The following EGLN1 variants were observed in gnomAD, a reference collection of about 807,000 sequenced individuals.
The protein encoded by EGLN1 is egl-9 family hypoxia inducible factor 1.
EGLN1 carries 17 observed loss-of-function variants against 38.3 expected under a neutral mutation model. The observed-to-expected ratio is 0.44, with a 90% confidence interval of 0.30 to 0.67. The LOEUF (loss-of-function observed/expected upper bound fraction) is 0.67, where lower values mean the gene tolerates loss of function less well. Ranked by LOEUF, EGLN1 falls within the 30% of genes least tolerant of loss-of-function variation. EGLN1 has a pLI of 0.08. For synonymous variants in EGLN1, 283 were observed against 257.5 expected (o/e 1.10, Z -0.95); for missense variants, 477 against 603.3 (o/e 0.79, Z 2.19).
intron 1 of EGLN1, among the ~76,000 whole-genome samples, chr1:231,410,011 A>AG (rs1688895930): frequency 6.6e-6 from 1 of 152,184 alleles, no homozygotes; most frequent in Non-Finnish European, 1.5e-5. Flanking sequence ...TGTAGACTAG[A>AG]GGGAAAAAAA....
At chr1:231,388,031 C>G (rs1688265612) in intron 1 of EGLN1, among the ~76,000 whole-genome samples, 1 of 152,190 alleles carries the variant, frequency 6.6e-6, no homozygotes, top group Admixed American at 6.5e-5. Context: ...CTACTGTAGG[C>G]AGATCTTTAC....
Position 231,369,033 on chromosome 1 carries a change from C to A in EGLN1, c.1149-1397G>T, listed in dbSNP as rs890705048. On this transcript the variant is annotated intron_variant, in intron 3 of 4. Transcript: ENST00000366641. ...GCAATCAGAATTCTAATATCTGGAT[C>A]AACAACTTACCTTATGTCATTCTAA... Among the ~76,000 whole-genome samples, 3 of 152,176 alleles carry A rather than the reference C, an allele frequency of 2.0e-5. No homozygotes were observed. In the East Asian group the frequency reaches 5.8e-4, roughly 29 times the overall value.
chr1:231,398,692 AAC>A (rs1406094281), intron 1 of EGLN1, among the ~76,000 whole-genome samples: 1 of 152,242 alleles, frequency 6.6e-6, no homozygotes, highest in African/African-American at 2.4e-5. Flanking sequence ...GAATGTAAAG[AAC>A]AGATTGGGGA....
intron 1 of EGLN1, among the ~76,000 whole-genome samples, chr1:231,379,782 C>G (rs1226421232): frequency 6.6e-6 from 1 of 152,214 alleles, no homozygotes; most frequent in Non-Finnish European, 1.5e-5. Flanking sequence ...AGACATTGGC[C>G]TCGGCCAGGA....
Position 231,373,971 on chromosome 1 carries a change from G to A in EGLN1, c.1011+9C>T. 2 of 1,613,508 alleles carry A rather than the reference G, an allele frequency of 1.2e-6. No individual in the cohort carries two copies. Among genetic ancestry groups the A allele is most frequent in the South Asian group, 2.2e-5 (2 of 91,056 alleles). On this transcript the variant is annotated intron_variant, in intron 2 of 4. Coordinates refer to ENST00000366641, the MANE Select transcript of EGLN1 (RefSeq NM_022051.3). ...AAGAAAAAAATAAATGCTCAATTAA[G>A]TTGCATACCTTGGCATCCCAGTCTT...
intron 1 of EGLN1, among the ~76,000 whole-genome samples, chr1:231,398,577 G>A (rs910181059): frequency 1.3e-5 from 2 of 152,206 alleles, no homozygotes; most frequent in Non-Finnish European, 2.9e-5. Context: ...TTGCAACAAG[G>A]ACGGCAAGGC....
chr1:231,410,230 T>C (rs1375459038), intron 1 of EGLN1, among the ~76,000 whole-genome samples: 1 of 152,000 alleles, frequency 6.6e-6, no homozygotes, highest in African/African-American at 2.4e-5. Context: ...AGACTGGGAC[T>C]TCAGTCTTGC....
At position 231,421,166 on chromosome 1, in the gene EGLN1, G is replaced by C. The variant is rs754313230; in HGVS notation, c.723C>G (p.Val241=). The C allele has an allele frequency of 1.9e-6, 3 of 1,614,156 alleles. No homozygotes were observed. The highest frequency in any genetic ancestry group is 3.3e-5 in the Admixed American group (2 of 60,024). ...CCTTGGACGAGTCACTCTTCTGGCT[G>C]ACCAGCTGCCCGTCCGTGAACTTCC... ...DTGKFTDGQL[V]SQKSDSSKDI... The change falls in exon 1 of 5, where the codon GTC becomes GTG. Residue 241 remains valine, a synonymous_variant. Transcript: ENST00000366641. This position sits in a 1 kb window ranked among gnomAD's most constrained non-coding sequence, Gnocchi z 5.5.
At chr1:231,407,425 CATG>C (rs1688826825) in intron 1 of EGLN1, among the ~76,000 whole-genome samples, 1 of 152,124 alleles carries the variant, frequency 6.6e-6, no homozygotes, top group African/African-American at 2.4e-5. Flanking sequence ...AAATCAAATC[CATG>C]ATAATTTTAG....
Position 231,366,314 on chromosome 1 carries a change from G to A in EGLN1, c.*97C>T. The A allele has an allele frequency of 7.3e-7, 1 of 1,363,544 alleles. No homozygotes were observed. The highest frequency in any genetic ancestry group is 1.2e-5 in the South Asian group (1 of 83,740). 84.5% of individuals were successfully genotyped at this position (1,363,544 alleles called of 1,614,324 possible). A position where few individuals can be genotyped will look rare whatever the true frequency, so the allele number is the denominator to read the frequency against. ...TGTTTCCTTATTAAAATGCGAACTG[G>A]TTGTCTATTTTTCTTTATCCCATTT... On this transcript the variant is annotated 3_prime_UTR_variant, in exon 5 of 5. Coordinates refer to ENST00000366641, the MANE Select transcript of EGLN1 (RefSeq NM_022051.3).
intron 1 of EGLN1, among the ~76,000 whole-genome samples, chr1:231,380,272 C>A (rs547416544): frequency 6.8e-6 from 1 of 146,332 alleles, no homozygotes; most frequent in Admixed American, 7.0e-5. Flanking sequence ...GCGGAGATCG[C>A]GCCACTGCAC....
chr1:231,398,115 G>C (rs947220317), intron 1 of EGLN1, among the ~76,000 whole-genome samples: 2 of 152,218 alleles, frequency 1.3e-5, no homozygotes, highest in Non-Finnish European at 2.9e-5. Flanking sequence ...TTCTCCAAAT[G>C]ATGAGAACCA....
chr1:231,385,490 A>G (rs1688181427), intron 1 of EGLN1, among the ~76,000 whole-genome samples: 1 of 152,216 alleles, frequency 6.6e-6, no homozygotes, highest in African/African-American at 2.4e-5. Context: ...TATTCCAGGA[A>G]GAGAAAAGGT....
At position 231,421,877 on chromosome 1, in the gene EGLN1, G is replaced by C. The variant is rs186996510; in HGVS notation, c.12C>G (p.Asp4Glu). The change falls in exon 1 of 5, where the codon GAC becomes GAG. Residue 4 changes from aspartate (D) to glutamate (E), a missense_variant. Around this residue, in one of 4 missense-constraint regions of EGLN1, gnomAD observed 298 missense variants for 288.9 expected, o/e 1.03. Coordinates refer to ENST00000366641, the MANE Select transcript of EGLN1 (RefSeq NM_022051.3). The surrounding 1 kb of genome is among the most constrained non-coding windows in gnomAD (Gnocchi z 5.5). ...GGCTCGGCCCGCCGGGCCCGCCGCT[G>C]TCATTGGCCATGGCGGCGGCGGCGG... Reference protein sequence around the residue: MANDSGGPGGPSPS... With the variant: MANESGGPGGPSPS... The C allele has an allele frequency of 1.5e-3, 2,184 of 1,488,446 alleles. 63 individuals carry two copies. The East Asian group carries it at 0.043, about 29-fold the overall frequency. The allele number at this position is 1,488,446 out of a possible 1,614,324, so 92.2% of individuals were successfully genotyped here.
chr1:231,371,513 C>T (rs1187384650), intron 2 of EGLN1, among the ~76,000 whole-genome samples: 2 of 152,154 alleles, frequency 1.3e-5, no homozygotes, highest in African/African-American at 2.4e-5. Flanking sequence ...TCGTCGTCAC[C>T]ATCACCATCA....
chr1:231,392,996 G>A (rs761232281), intron 1 of EGLN1, among the ~76,000 whole-genome samples: 4 of 152,154 alleles, frequency 2.6e-5, no homozygotes, highest in Non-Finnish European at 4.4e-5. Flanking sequence ...GTTCAGAAAT[G>A]GGCAAAGGGC....
intron 1 of EGLN1, among the ~76,000 whole-genome samples, chr1:231,390,929 C>T (rs1242368206): frequency 1.3e-5 from 2 of 151,876 alleles, no homozygotes; most frequent in Admixed American, 6.6e-5. Context: ...CTCACCGCAA[C>T]GTCAAACTCC....
At chr1:231,395,269 G>A (rs894937560) in intron 1 of EGLN1, among the ~76,000 whole-genome samples, 1 of 152,174 alleles carries the variant, frequency 6.6e-6, no homozygotes, top group Non-Finnish European at 1.5e-5. Context: ...TGGCTCCACA[G>A]ACAAGTTTCT....
At chr1:231,413,505 TTATCTAAAAGAGTACTCCC>T (rs1361170076) in intron 1 of EGLN1, among the ~76,000 whole-genome samples, 2 of 152,238 alleles carry the variant, frequency 1.3e-5, no homozygotes, top group Non-Finnish European at 2.9e-5. Flanking sequence ...TTTACCAATC[TTATCTAAAAGAGTACTCCC>T]TAGTCACTCT....
Sources: allele counts gnomAD v4.1 joint callset (sites outside exome capture counted in the v4.1 genomes callset), GRCh38; gene constraint gnomAD v4.1.1; regional missense constraint gnomAD v4.1.1; non-coding constraint Gnocchi (gnomAD v3.1); transcripts MANE v1.5; gene names NCBI Gene and HGNC (gene_info 2026-07-23, HGNC 2026-07-21).